Variants in ENPP6 observed in about 807,000 individuals in gnomAD.
The protein encoded by ENPP6 is ectonucleotide pyrophosphatase/phosphodiesterase 6.
A neutral mutation model predicts 42.0 loss-of-function variants in ENPP6; 32 were observed. The observed-to-expected ratio is 0.76, with a 90% confidence interval of 0.58 to 1.02. The LOEUF (loss-of-function observed/expected upper bound fraction) is 1.02. Among genes scored for constraint, ENPP6 ranks in the 50% least tolerant of loss-of-function variants. The pLI, the probability that ENPP6 is intolerant of heterozygous loss-of-function variation, is 0.00. For missense variants in ENPP6, 552 were observed against 566.8 expected (o/e 0.97, Z 0.27); for synonymous variants, 213 against 216.0 (o/e 0.99, Z 0.12).
intron 1 of ENPP6, among the ~76,000 whole-genome samples, chr4:184,177,830 A>G (rs1732469619): frequency 6.6e-6 from 1 of 152,208 alleles, no homozygotes; most frequent in Admixed American, 6.5e-5. Flanking sequence ...CAACAACAAC[A>G]GCATCAACAA....
intron 1 of ENPP6, among the ~76,000 whole-genome samples, chr4:184,190,286 T>G (rs902490378): frequency 6.6e-6 from 1 of 152,248 alleles, no homozygotes; most frequent in Non-Finnish European, 1.5e-5. Flanking sequence ...GTATGGTGCC[T>G]TCTTGCCCCT....
chr4:184,099,703 G>A (rs537869255), intron 6 of ENPP6, among the ~76,000 whole-genome samples: 20 of 152,254 alleles, frequency 1.3e-4, no homozygotes, highest in Non-Finnish European at 2.2e-4. Context: ...CGCATCCCTC[G>A]TCCCTCCTTC....
intron 5 of ENPP6, among the ~76,000 whole-genome samples, chr4:184,114,784 A>C (rs945332474): frequency 1.2e-4 from 18 of 152,212 alleles, no homozygotes; most frequent in Non-Finnish European, 2.1e-4. Context: ...AAAAAAAGAA[A>C]AAAAGAAAAA....
rs149795320 is a variant in ENPP6 at position 184,117,836 on chromosome 4, C to T, written c.598G>A (p.Gly200Arg). 147 of 1,614,230 alleles carry T rather than the reference C, an allele frequency of 9.1e-5. No homozygotes were observed. The highest frequency in any genetic ancestry group is 1.5e-4 in the Admixed American group (9 of 60,032). ...TCTTTCCTCTGCGGAGATGCAGGCC[C>T]GTAGTGGTGGCCTTCCACGTCAATG... The part of the protein sequence containing the change: ...ERIDVEGHHY[G>R]PASPQRKDAL... The change falls in exon 4 of 8, where the codon GGG becomes AGG. Residue 200 changes from glycine (G) to arginine (R), a missense_variant. Around this residue, in one of 2 missense-constraint regions of ENPP6, gnomAD observed 545 missense variants for 546.3 expected, o/e 1.00. Coordinates refer to ENST00000296741, the MANE Select transcript of ENPP6 (RefSeq NM_153343.4).
chr4:184,177,378 C>T (rs78396309), intron 1 of ENPP6, among the ~76,000 whole-genome samples: 39 of 152,218 alleles, frequency 2.6e-4, no homozygotes, highest in Middle Eastern at 3.4e-3. Flanking sequence ...GGGATGGAGC[C>T]CCTAGGGCAT....
At chr4:184,200,233 C>T (rs28547010) in intron 1 of ENPP6, among the ~76,000 whole-genome samples, 62,683 of 152,106 alleles carry the variant, frequency 0.41, 14,040 homozygotes, top group African/African-American at 0.56. Context: ...CCAATTTTGG[C>T]ATCTGATGCC....
chr4:184,115,332 C>T (rs1736294706), intron 5 of ENPP6, among the ~76,000 whole-genome samples: 1 of 152,158 alleles, frequency 6.6e-6, no homozygotes, highest in South Asian at 2.1e-4. Flanking sequence ...GCCACAAAGC[C>T]CATATTGGGA....
intron 3 of ENPP6, among the ~76,000 whole-genome samples, chr4:184,120,929 G>A (rs144329740): frequency 8.5e-5 from 13 of 152,324 alleles, no homozygotes; most frequent in African/African-American, 1.4e-4. Context: ...CTCAGGCACC[G>A]TGTCCCCAAG....
intron 6 of ENPP6, 23 bp from the exon 7 acceptor site, chr4:184,097,391 CAT>C (rs1333782837): frequency 1.2e-6 from 2 of 1,613,290 alleles, no homozygotes; most frequent in Admixed American, 1.7e-5. Context: ...AAGGCAGACA[CAT>C]GACACTACGT....
intron 1 of ENPP6, 23 bp downstream of exon 1, chr4:184,217,556 C>G (rs1733217050): frequency 1.9e-6 from 3 of 1,612,378 alleles, no homozygotes; most frequent in Non-Finnish European, 2.5e-6. Context: ...CCCTCCCTGC[C>G]CAGAAGAGGA....
rs1214037584 is a variant in ENPP6, at chr4:184,184,515, A to T, written c.242-30782T>A. 6.6e-6 allele frequency among the ~76,000 whole-genome samples: 1 copy of T among 152,172 alleles called. No homozygotes were observed. Among genetic ancestry groups the T allele is most frequent in the Non-Finnish European group, 1.5e-5 (1 of 68,030 alleles). ...TATGTGGGAAAGAGATTAAAATATG[A>T]GGGAAAGCAAATCGTGGCTCCACAA... On this transcript the variant is annotated intron_variant, in intron 1 of 7. Transcript: ENST00000296741. This position sits in a 1 kb window ranked among gnomAD's most constrained non-coding sequence, Gnocchi z 4.7.
At chr4:184,183,616 A>G (rs1732589315) in intron 1 of ENPP6, among the ~76,000 whole-genome samples, 1 of 152,226 alleles carries the variant, frequency 6.6e-6, no homozygotes, top group African/African-American at 2.4e-5. Flanking sequence ...AAGCAAATGA[A>G]TATCTTCTTT....
intron 2 of ENPP6, among the ~76,000 whole-genome samples, chr4:184,136,625 C>T (rs1006787691): frequency 2.1e-4 from 32 of 152,170 alleles, no homozygotes; most frequent in African/African-American, 6.3e-4. Context: ...TAGAATTTTA[C>T]GTTGATCACT....
At chr4:184,178,217 C>T (rs1172843608) in intron 1 of ENPP6, among the ~76,000 whole-genome samples, 2 of 151,942 alleles carry the variant, frequency 1.3e-5, no homozygotes, top group African/African-American at 4.8e-5. Flanking sequence ...AAGAACTTCA[C>T]AATGCAACCA....
chr4:184,098,573 C>T (rs962459259), intron 6 of ENPP6, among the ~76,000 whole-genome samples: 2 of 152,178 alleles, frequency 1.3e-5, no homozygotes, highest in African/African-American at 2.4e-5. Flanking sequence ...CCTTTGCTCC[C>T]CTTGTCCAGG....
chr4:184,183,938 C>T (rs1732593365), intron 1 of ENPP6, among the ~76,000 whole-genome samples: 1 of 152,230 alleles, frequency 6.6e-6, no homozygotes, highest in Non-Finnish European at 1.5e-5. Flanking sequence ...GATGCTTCCC[C>T]TGCTATTTGC....
At chr4:184,128,308 G>A (rs1412209962) in intron 2 of ENPP6, among the ~76,000 whole-genome samples, 2 of 152,130 alleles carry the variant, frequency 1.3e-5, no homozygotes, top group Non-Finnish European at 2.9e-5. Flanking sequence ...AGCTTCCTGA[G>A]TAGTTGGGAT....
chr4:184,208,554 C>G (rs375224626), intron 1 of ENPP6, among the ~76,000 whole-genome samples: 5 of 152,014 alleles, frequency 3.3e-5, no homozygotes, highest in Admixed American at 6.5e-5. Flanking sequence ...CGGCGGACCA[C>G]GAGATTATAA....
chr4:184,177,582 T>G (rs1436118934), intron 1 of ENPP6, among the ~76,000 whole-genome samples: 2 of 152,130 alleles, frequency 1.3e-5, no homozygotes, highest in Non-Finnish European at 2.9e-5. Flanking sequence ...CCAACAGGGG[T>G]CACCAGACAC....
Sources: gnomAD v4.1 joint callset for allele counts (sites outside exome capture counted in the v4.1 genomes callset) on GRCh38, gnomAD v4.1.1 for gene constraint, gnomAD v4.1.1 regional missense constraint, Gnocchi (gnomAD v3.1) non-coding constraint, MANE v1.5 for transcripts, NCBI Gene and HGNC (gene_info 2026-07-23, HGNC 2026-07-21) for gene names.